The following FRAS1 variants were observed in gnomAD, a reference collection of about 807,000 sequenced individuals.
FRAS1 encodes extracellular matrix organizing protein FRAS1.
In FRAS1, 290 loss-of-function variants were observed where a neutral mutation model predicts 435.2. The observed-to-expected ratio is 0.67, with a 90% CI of 0.61 to 0.73. The LOEUF is 0.73. FRAS1 is among the 30% of genes least tolerant of loss of function. The pLI is 0.00. For missense variants in FRAS1, 4,860 were observed against 5,001.5 expected, an observed-to-expected ratio of 0.97 and a Z score of 0.85; for synonymous variants, 1,800 against 1,851.0, an observed-to-expected ratio of 0.97 and a Z score of 0.71.
intron 2 of FRAS1, among the ~76,000 whole-genome samples, chr4:78,092,039 G>A (rs534504227): frequency 6.7e-4 from 101 of 150,752 alleles, no homozygotes; most frequent in Middle Eastern, 3.5e-3. Flanking sequence ...AGATCTTGAC[G>A]TGTGGGTGGC....
At chr4:78,207,874 T>C (rs376486795) in intron 2 of FRAS1, among the ~76,000 whole-genome samples, 226 of 152,314 alleles carry the variant, frequency 1.5e-3, no homozygotes, top group African/African-American at 5.2e-3. Context: ...CATGGATACA[T>C]TTTTGATCAT....
chr4:78,102,364 A>AGCACTAATT (rs1742176394), intron 2 of FRAS1, among the ~76,000 whole-genome samples: 1 of 152,226 alleles, frequency 6.6e-6, no homozygotes, highest in African/African-American at 2.4e-5. Context: ...TTGTAACCGG[A>AGCACTAATT]GAGCACTAAT....
intron 2 of FRAS1, among the ~76,000 whole-genome samples, chr4:78,186,497 C>T (rs1722277573): frequency 6.6e-6 from 1 of 152,130 alleles, no homozygotes; most frequent in African/African-American, 2.4e-5. Context: ...GGCTTATTAG[C>T]ATTTGCCAGG....
intron 14 of FRAS1, among the ~76,000 whole-genome samples, chr4:78,306,162 C>T (rs1201887983): frequency 6.6e-6 from 1 of 152,008 alleles, no homozygotes; most frequent in African/African-American, 2.4e-5. Flanking sequence ...GTTGAAAATT[C>T]TTTTCTTTAA....
intron 6 of FRAS1, among the ~76,000 whole-genome samples, chr4:78,261,096 T>C (rs1372626362): frequency 6.6e-6 from 1 of 152,162 alleles, no homozygotes; most frequent in Non-Finnish European, 1.5e-5. Flanking sequence ...CATTTTTCAC[T>C]GTGCCTTTCC....
rs558553708 is a variant in FRAS1 at position 78,251,681 on chromosome 4, G to T, written c.310-711G>T. ...TTAACCCTCAGAAGAGCCCACTGGT[G>T]AAGGGAATGTTGTCATACCATTTTA... is the stretch of plus-strand genomic sequence containing the variant. On this transcript the variant is annotated intron_variant, in intron 4 of 73. Coordinates refer to ENST00000512123, the MANE Select transcript of FRAS1 (RefSeq NM_025074.7). Among the ~76,000 whole-genome samples, 6 of 152,346 alleles carry T rather than the reference G, an allele frequency of 3.9e-5. No individual in the cohort carries two copies. In the South Asian group the frequency reaches 1.2e-3, roughly 32 times the overall value.
At chr4:78,325,564 G>A (rs980318615) in intron 18 of FRAS1, among the ~76,000 whole-genome samples, 4 of 152,172 alleles carry the variant, frequency 2.6e-5, no homozygotes, top group African/African-American at 9.7e-5. Context: ...TGTACAAATA[G>A]GTGCCTTCTG....
intron 50 of FRAS1, 58 bp downstream of exon 50, chr4:78,466,493 T>A: frequency 1.6e-6 from 2 of 1,287,890 alleles, no homozygotes; most frequent in Non-Finnish European, 1.1e-6. Context: ...AGGCAGAACA[T>A]GGAGTTTTAC....
intron 2 of FRAS1, among the ~76,000 whole-genome samples, chr4:78,194,733 C>T (rs7668532): frequency 0.66 from 99,737 of 151,902 alleles, 32,857 homozygotes; most frequent in East Asian, 0.69. Context: ...TCCTTTAGCT[C>T]GGAGTAGTTT....
Position 78,387,508 on chromosome 4 carries a change from T to C in FRAS1, c.3782T>C (p.Leu1261Pro). Reference sequence around the variant, plus strand: ...GTCATTGAAATAATCGATCCTCCACTTCATGGCCAATTGCTTCAGACACTT... The same window carrying C: ...GTCATTGAAATAATCGATCCTCCACCTCATGGCCAATTGCTTCAGACACTT... Reference protein sequence around the residue: ...DVVIEIIDPPLHGQLLQTLQS... With the variant: ...DVVIEIIDPPPHGQLLQTLQS... Residue 1261 changes from leucine to proline, a missense_variant, in exon 29 of 74, where the codon CTT becomes CCT. Transcript: ENST00000512123. The C allele has an allele frequency of 6.2e-7, 1 of 1,613,470 alleles. No individual in the cohort carries two copies. The highest frequency in any genetic ancestry group is 8.5e-7 in the Non-Finnish European group (1 of 1,179,740).
At chr4:78,455,093 C>G (rs530985777) in intron 47 of FRAS1, among the ~76,000 whole-genome samples, 2 of 152,300 alleles carry the variant, frequency 1.3e-5, no homozygotes, top group East Asian at 1.9e-4. Context: ...AGATACAAGG[C>G]TCCAGTCCTC....
intron 30 of FRAS1, among the ~76,000 whole-genome samples, chr4:78,406,992 A>T (rs1733125240): frequency 6.6e-6 from 1 of 152,216 alleles, no homozygotes. Flanking sequence ...TCATGCACAA[A>T]ATTTATTTTT....
At position 78,429,204 on chromosome 4, in the gene FRAS1, C is replaced by A; in HGVS notation, c.4821C>A (p.Ser1607Arg). Reference sequence around the variant, plus strand: ...TCACAGCTCCACGGCTGGCGGTCAGCCCAGGAGGCAGCACTTCTGTAGGTA... The same window carrying A: ...TCACAGCTCCACGGCTGGCGGTCAGACCAGGAGGCAGCACTTCTGTAGGTA... ...FQVTAPRLAV[S>R]PGGSTSVGLQ... is the part of the protein sequence containing the mutation. Residue 1607 changes from serine (S) to arginine (R), a missense_variant, in exon 36 of 74, where the codon AGC becomes AGA. Coordinates refer to ENST00000512123, the MANE Select transcript of FRAS1 (RefSeq NM_025074.7). 1 of 1,607,226 alleles carries A rather than the reference C, an allele frequency of 6.2e-7. No individual in the cohort carries two copies. The highest frequency in any genetic ancestry group is 1.1e-5 in the South Asian group (1 of 88,820).
At chr4:78,244,997 T>C (rs1018436044) in intron 3 of FRAS1, among the ~76,000 whole-genome samples, 2 of 152,314 alleles carry the variant, frequency 1.3e-5, no homozygotes, top group Admixed American at 6.5e-5. Context: ...TGTGAAAAGA[T>C]GTAGAGTTTT....
chr4:78,281,584 T>C (rs544161433), intron 11 of FRAS1, among the ~76,000 whole-genome samples, 151 bp downstream of exon 11: 1 of 152,354 alleles, frequency 6.6e-6, no homozygotes, highest in South Asian at 2.1e-4. Flanking sequence ...ATCTTAATGA[T>C]AACTCAGACT....
At chr4:78,457,834 C>T in intron 47 of FRAS1, among the ~76,000 whole-genome samples, 1 of 152,112 alleles carries the variant, frequency 6.6e-6, no homozygotes, top group East Asian at 1.9e-4. Context: ...ATTAAAGCTC[C>T]AAAAAAGGTA....
At chr4:78,418,278 C>T (rs2110366882) in intron 32 of FRAS1, among the ~76,000 whole-genome samples, 1 of 152,300 alleles carries the variant, frequency 6.6e-6, no homozygotes, top group Non-Finnish European at 1.5e-5. Context: ...CCTCTTAAAC[C>T]TCTGAATGCA....
At chr4:78,113,655 G>A (rs550693657) in intron 2 of FRAS1, among the ~76,000 whole-genome samples, 196 of 152,142 alleles carry the variant, frequency 1.3e-3, no homozygotes, top group African/African-American at 4.3e-3. Flanking sequence ...CATATCCTTT[G>A]CCCACTTGTT....
chr4:78,065,186 A>G (rs1209754905), intron 1 of FRAS1, among the ~76,000 whole-genome samples: 3 of 147,148 alleles, frequency 2.0e-5, no homozygotes, highest in East Asian at 3.9e-4. Flanking sequence ...ATATATGTGT[A>G]TATATGTGTA....
Sources: gnomAD v4.1 joint callset for allele counts (sites outside exome capture counted in the v4.1 genomes callset) on GRCh38, gnomAD v4.1.1 for gene constraint, MANE v1.5 for transcripts, NCBI Gene and HGNC (gene_info 2026-07-23, HGNC 2026-07-21) for gene names.